HECTD4: variants seen among roughly 807,000 people sequenced by gnomAD.
The protein encoded by HECTD4 is probable E3 ubiquitin-protein ligase HECTD4.
A neutral mutation model predicts 471.5 loss-of-function variants in HECTD4; 114 were observed. The ratio of observed to expected loss-of-function variants is 0.24; its 90% CI spans 0.21 to 0.28. The LOEUF (loss-of-function observed/expected upper bound fraction) is 0.28, where lower values mean the gene tolerates loss of function less well. Ranked by LOEUF, HECTD4 falls within the 10% of genes least tolerant of loss-of-function variation. The pLI, the probability that HECTD4 is intolerant of heterozygous loss-of-function variation, is 1.00. For missense variants in HECTD4, 3,866 were observed against 5,651.5 expected (o/e 0.68, Z 10.13); for synonymous variants, 2,012 against 2,256.0 (o/e 0.89, Z 3.07).
intron 1 of HECTD4, among the ~76,000 whole-genome samples, chr12:112,324,154 A>G (rs192158142): frequency 2.1e-5 from 3 of 141,208 alleles, no homozygotes. Flanking sequence ...GGTCTCACTC[A>G]CCCAGGCTGG....
intron 44 of HECTD4, among the ~76,000 whole-genome samples, chr12:112,221,201 A>G (rs2033085538): frequency 1.3e-5 from 2 of 152,122 alleles, no homozygotes; most frequent in Admixed American, 6.5e-5. Flanking sequence ...CACCTGTTTT[A>G]AAGTGTTGGT....
At chr12:112,205,738 G>A (rs1023758255) in intron 52 of HECTD4, among the ~76,000 whole-genome samples, 3 of 151,752 alleles carry the variant, frequency 2.0e-5, no homozygotes, top group Non-Finnish European at 4.4e-5. Context: ...TTACAGGCGC[G>A]CACTACCACA....
intron 1 of HECTD4, among the ~76,000 whole-genome samples, chr12:112,358,372 T>C (rs561145835): frequency 1.3e-5 from 2 of 152,156 alleles, no homozygotes; most frequent in East Asian, 3.9e-4. Flanking sequence ...TCCCAGCTAT[T>C]CAGGAGCCCG....
intron 1 of HECTD4, among the ~76,000 whole-genome samples, chr12:112,375,728 AT>A (rs1304511754): frequency 6.6e-6 from 1 of 152,078 alleles, no homozygotes; most frequent in Non-Finnish European, 1.5e-5. Flanking sequence ...TTTTTGAGTT[AT>A]TGCTTTTTTA....
At chr12:112,358,180 G>A (rs1419985211) in intron 1 of HECTD4, among the ~76,000 whole-genome samples, 1 of 152,082 alleles carries the variant, frequency 6.6e-6, no homozygotes, top group Non-Finnish European at 1.5e-5. Context: ...CTTCAGCCTG[G>A]TGATAGAGCA....
intron 1 of HECTD4, among the ~76,000 whole-genome samples, chr12:112,334,110 G>A (rs2035893631): frequency 6.6e-6 from 1 of 152,066 alleles, no homozygotes; most frequent in Admixed American, 6.6e-5. Flanking sequence ...TTGGGAGGCT[G>A]AGGCAGGAGA....
intron 8 of HECTD4, among the ~76,000 whole-genome samples, chr12:112,279,846 G>A (rs1444077078): frequency 6.6e-6 from 1 of 152,128 alleles, no homozygotes; most frequent in Non-Finnish European, 1.5e-5. Flanking sequence ...TTATACTTAA[G>A]AGTTGAGCAT....
chr12:112,242,272 T>A (rs2033658233), intron 32 of HECTD4, among the ~76,000 whole-genome samples: 1 of 152,192 alleles, frequency 6.6e-6, no homozygotes, highest in African/African-American at 2.4e-5. Context: ...ATGTGTTAAT[T>A]TTTTTAGAAA....
At position 112,243,751 on chromosome 12, in the gene HECTD4, C is replaced by T. The variant is rs570853532; in HGVS notation, c.4660G>A (p.Val1554Met). 5.0e-6 allele frequency: 8 copies of T among 1,613,432 alleles called. No homozygotes were observed. In the Admixed American group the frequency reaches 8.3e-5, roughly 17 times the overall value. ...FTRANQRRRH[V>M]TSHRSSSFTL... Reference sequence around the variant, plus strand: ...AAGGAGCTGCTGCGGTGGCTGGTCACGTGGCGACGCCTACGGGGAACACAG... The same window carrying T: ...AAGGAGCTGCTGCGGTGGCTGGTCATGTGGCGACGCCTACGGGGAACACAG... The change falls in exon 31 of 76, where the codon GTG (valine) becomes ATG (methionine). Residue 1554 changes from valine (V) to methionine (M), a missense_variant. Physicochemically the swap from Val to Met is conservative, Grantham distance 21 (BLOSUM62 1). This residue lies in a region of HECTD4 where 229 missense variants were observed against 386.4 expected (regional missense o/e 0.59). Coordinates refer to ENST00000682272, the MANE Select transcript of HECTD4 (RefSeq NM_001388303.1). The surrounding 1 kb of genome is among the most constrained non-coding windows in gnomAD (Gnocchi z 6.6).
At chr12:112,344,800 C>T (rs1269194787) in intron 1 of HECTD4, among the ~76,000 whole-genome samples, 1 of 151,976 alleles carries the variant, frequency 6.6e-6, no homozygotes, top group Non-Finnish European at 1.5e-5. Flanking sequence ...TGCCTGTAAT[C>T]CCAGCTATTT....
intron 13 of HECTD4, among the ~76,000 whole-genome samples, chr12:112,269,054 T>A (rs1281635544): frequency 6.6e-6 from 1 of 151,218 alleles, no homozygotes; most frequent in Non-Finnish European, 1.5e-5. Context: ...TTTGTATTTT[T>A]AGTAGAGACG....
At position 112,319,384 on chromosome 12, in the gene HECTD4, C is replaced by T; in HGVS notation, c.536G>A (p.Cys179Tyr). 3 of 1,536,116 alleles carry T rather than the reference C, an allele frequency of 2.0e-6. No individual in the cohort carries two copies. Among genetic ancestry groups the T allele is most frequent in the Non-Finnish European group, 2.6e-6 (3 of 1,146,902 alleles). The change falls in exon 2 of 76, where the codon TGC (cysteine) becomes TAC (tyrosine). Residue 179 changes from cysteine to tyrosine, a missense_variant. Transcript: ENST00000682272. This position sits in a 1 kb window ranked among gnomAD's most constrained non-coding sequence, Gnocchi z 5.3. ...CTCCTTGGTCAAGCTCAAAGGCTGG[C>T]AGTCACGAAGGCAGTTCAATAGCAC... ...AEVLLNCLRD[C>Y]QPLSLTKEPA...
chr12:112,348,486 C>T (rs565900869), intron 1 of HECTD4, among the ~76,000 whole-genome samples: 6 of 152,008 alleles, frequency 3.9e-5, no homozygotes, highest in African/African-American at 1.2e-4. Context: ...AAATGTGGGC[C>T]GGGAGATCAT....
At chr12:112,376,094 A>T (rs1011048661) in intron 1 of HECTD4, among the ~76,000 whole-genome samples, 1 of 152,058 alleles carries the variant, frequency 6.6e-6, no homozygotes, top group Non-Finnish European at 1.5e-5. Context: ...ATAATAATAA[A>T]AATTCCTATA....
At chr12:112,189,031 C>T (rs1217645390) in intron 60 of HECTD4, among the ~76,000 whole-genome samples, 10 of 152,176 alleles carry the variant, frequency 6.6e-5, no homozygotes, top group Admixed American at 5.9e-4. Context: ...TATCCACTCC[C>T]TGGGTGTTTT....
intron 3 of HECTD4, 150 bp downstream of exon 3, chr12:112,314,307 A>G (rs1043235023): frequency 4.3e-6 from 2 of 460,656 alleles, no homozygotes; most frequent in Non-Finnish European, 7.6e-6. Flanking sequence ...GATAAAAAAT[A>G]AAATTCTTAA....
intron 66 of HECTD4, 110 bp from the exon 67 acceptor site, chr12:112,172,971 G>T: frequency 1.1e-6 from 1 of 929,638 alleles, no homozygotes. Flanking sequence ...ACATTCAGAA[G>T]ACGGCCTCGC....
chr12:112,368,828 A>G (rs561609732), intron 1 of HECTD4, among the ~76,000 whole-genome samples: 2 of 152,242 alleles, frequency 1.3e-5, no homozygotes, highest in South Asian at 4.1e-4. Context: ...GGTTTTACAT[A>G]GCATAAAAAT....
chr12:112,321,436 G>A (rs1313410129), intron 1 of HECTD4, among the ~76,000 whole-genome samples: 8 of 152,228 alleles, frequency 5.3e-5, no homozygotes, highest in Middle Eastern at 6.8e-3. Flanking sequence ...ACAAAGGAGG[G>A]CACTCTAGGA....
Sources: gnomAD v4.1 joint callset for allele counts (sites outside exome capture counted in the v4.1 genomes callset) on GRCh38, gnomAD v4.1.1 for gene constraint, gnomAD v4.1.1 regional missense constraint, Gnocchi (gnomAD v3.1) non-coding constraint, MANE v1.5 for transcripts, NCBI Gene and HGNC (gene_info 2026-07-23, HGNC 2026-07-21) for gene names.